The following HDLBP variants were observed in gnomAD, a reference collection of about 807,000 sequenced individuals.
HDLBP encodes vigilin.
A neutral mutation model predicts 137.3 loss-of-function variants in HDLBP; 30 were observed. The observed-to-expected ratio is 0.22, with a 90% CI of 0.16 to 0.30. The LOEUF is 0.30. HDLBP is among the 10% of genes least tolerant of loss of function. The probability of loss-of-function intolerance (pLI) is 1.00; values close to 1 mark genes in which losing one functional copy is unlikely to be tolerated. For missense variants in HDLBP, 1,119 were observed against 1,667.3 expected (o/e 0.67, Z 5.73); for synonymous variants, 606 against 596.0 (o/e 1.02, Z -0.24).
intron 5 of HDLBP, among the ~76,000 whole-genome samples, chr2:241,257,313 A>AC (rs1170639950): frequency 1.3e-5 from 2 of 152,166 alleles, no homozygotes; most frequent in African/African-American, 2.4e-5. Flanking sequence ...GCTCACTGTA[A>AC]CCTCTGCCTC....
chr2:241,246,999 T>C, intron 15 of HDLBP, 57 bp downstream of exon 15: 1 of 1,563,718 alleles, frequency 6.4e-7, no homozygotes, highest in Non-Finnish European at 8.8e-7. Flanking sequence ...ACCAAAATGG[T>C]GCAGGGCTAC....
chr2:241,273,184 G>A (rs1181972621), intron 1 of HDLBP: 2 of 985,360 alleles, frequency 2.0e-6, no homozygotes, highest in East Asian at 1.1e-4. Flanking sequence ...CTCAAAGGAT[G>A]CCCACCACAT....
At chr2:241,303,050 A>C (rs147705572) in intron 1 of HDLBP, among the ~76,000 whole-genome samples, 48 of 152,324 alleles carry the variant, frequency 3.2e-4, no homozygotes, top group African/African-American at 1.1e-3. Flanking sequence ...TTCACACCGC[A>C]AAAGTTCCCT....
chr2:241,272,183 CG>C lies in HDLBP; in HGVS notation c.-102-3643del, dbSNP rs2074104194. The C allele has an allele frequency of 1.1e-5, 11 of 985,154 alleles. No homozygotes were observed. Among genetic ancestry groups the C allele is most frequent in the Non-Finnish European group, 1.2e-5 (10 of 829,792 alleles). The allele number at this position is 985,154 out of a possible 1,614,324, so 61.0% of individuals were successfully genotyped here. On this transcript the variant is annotated intron_variant, in intron 1 of 27. Transcript: ENST00000310931. This position sits in a 1 kb window ranked among gnomAD's most constrained non-coding sequence, Gnocchi z 5.6. ...CGAACACGTAGACTGACGCGGGCCCCGCGCGGCAGGTGGAGGTGCTGCGGGG... is the reference window on the plus strand; with the variant it reads ...CGAACACGTAGACTGACGCGGGCCCCCGCGGCAGGTGGAGGTGCTGCGGGG...
At chr2:241,308,075 ACCTGT>A (rs1248954510) in intron 1 of HDLBP, among the ~76,000 whole-genome samples, 3 of 152,198 alleles carry the variant, frequency 2.0e-5, no homozygotes, top group Non-Finnish European at 4.4e-5. Flanking sequence ...ATTACAGAAT[ACCTGT>A]CCTCTTCTCC....
chr2:241,310,779 A>C (rs1177553989), intron 1 of HDLBP, among the ~76,000 whole-genome samples: 1 of 152,228 alleles, frequency 6.6e-6, no homozygotes, highest in Non-Finnish European at 1.5e-5. Context: ...GGATGAAAAC[A>C]GTCTCCAAGG....
At chr2:241,235,689 A>C (rs2070320460) in intron 21 of HDLBP, 95 bp from the exon 22 acceptor site, 1 of 809,418 alleles carries the variant, frequency 1.2e-6, no homozygotes, top group Non-Finnish European at 2.1e-6. Context: ...CAAGGCAAAC[A>C]GCCCTATGAC....
At chr2:241,307,579 C>T (rs975085295) in intron 1 of HDLBP, among the ~76,000 whole-genome samples, 3 of 152,112 alleles carry the variant, frequency 2.0e-5, no homozygotes, top group Admixed American at 2.0e-4. Flanking sequence ...CTCAACAAAA[C>T]AATGTAAAAA....
intron 1 of HDLBP, among the ~76,000 whole-genome samples, chr2:241,312,957 T>C (rs2075797228): frequency 1.3e-5 from 2 of 152,196 alleles, no homozygotes; most frequent in African/African-American, 4.8e-5. Flanking sequence ...CCCTCTACCA[T>C]TTGCCATGGC....
At chr2:241,285,361 T>G (rs988677492) in intron 1 of HDLBP, among the ~76,000 whole-genome samples, 1 of 152,246 alleles carries the variant, frequency 6.6e-6, no homozygotes, top group Non-Finnish European at 1.5e-5. Context: ...GTAGCATTTT[T>G]GTAGAGTCAG....
In HDLBP at chr2:241,256,690, T is replaced by C. The variant is rs1342401442; in HGVS notation, c.567A>G (p.Pro189=). ...KTATKIQIPR[P]DDPSNQIKIT... ...TCTTGATCTGATTGCTGGGGTCATC[T>C]GGGCGTGGGATCTGGATTTTGGTTG... is the stretch of plus-strand genomic sequence containing the variant. Residue 189 remains proline (P), a synonymous_variant, in exon 6 of 28, where the codon CCA becomes CCG. Coordinates refer to ENST00000310931, the MANE Select transcript of HDLBP (RefSeq NM_005336.6). The C allele has an allele frequency of 2.0e-5, 33 of 1,614,244 alleles. No individual in the cohort carries two copies. Among genetic ancestry groups the C allele is most frequent in the Non-Finnish European group, 2.8e-5 (33 of 1,180,048 alleles).
At chr2:241,297,312 T>A (rs1351851384) in intron 1 of HDLBP, among the ~76,000 whole-genome samples, 1 of 152,050 alleles carries the variant, frequency 6.6e-6, no homozygotes, top group Admixed American at 6.6e-5. Context: ...ACAGGGTGAA[T>A]AATCAAGGAA....
chr2:241,301,766 G>A (rs1181722947), intron 1 of HDLBP, among the ~76,000 whole-genome samples: 3 of 150,934 alleles, frequency 2.0e-5, no homozygotes, highest in Admixed American at 6.6e-5. Flanking sequence ...CTTTCCTTTC[G>A]TTTTGTTTTT....
rs1342062168 is a variant in HDLBP, at chr2:241,273,218, A to C, written c.-102-4677T>G. The C allele has an allele frequency of 4.1e-6, 4 of 985,520 alleles. No individual in the cohort carries two copies. In the African/African-American group the frequency reaches 7.0e-5, roughly 17 times the overall value. The allele number at this position is 985,520 out of a possible 1,614,324, so 61.0% of individuals were successfully genotyped here. On this transcript the variant is annotated intron_variant, in intron 1 of 27. Coordinates refer to ENST00000310931, the MANE Select transcript of HDLBP (RefSeq NM_005336.6). Reference sequence around the variant, plus strand: ...ATCGTAAACGGATGGCCACACTGGCACGAGGTCCTACAGCGCAGTGAGGCT... The same window carrying C: ...ATCGTAAACGGATGGCCACACTGGCCCGAGGTCCTACAGCGCAGTGAGGCT...
At chr2:241,259,909 T>C (rs1268088607) in intron 5 of HDLBP, among the ~76,000 whole-genome samples, 2 of 152,194 alleles carry the variant, frequency 1.3e-5, no homozygotes, top group Admixed American at 6.5e-5. Flanking sequence ...GGTTCAGAGT[T>C]CAGAGAGAAA....
At position 241,235,567 on chromosome 2, in the gene HDLBP, C is replaced by T. The variant is rs755527074; in HGVS notation, c.2932G>A (p.Glu978Lys). Reference protein sequence around the residue: ...EALVPVTIEVEVPFDLHRYVI... With the variant: ...EALVPVTIEVKVPFDLHRYVI... ...TAACGGTGAAGGTCAAAGGGCACCTCTACTTCAATGGTGACAGGAACCAAT... is the reference window on the plus strand; with the variant it reads ...TAACGGTGAAGGTCAAAGGGCACCTTTACTTCAATGGTGACAGGAACCAAT... Residue 978 changes from glutamate (E) to lysine (K), a missense_variant, in exon 22 of 28, where the codon GAG (glutamate) becomes AAG (lysine). Physicochemically the swap from Glu to Lys is moderately conservative, Grantham distance 56. This residue lies in a region of HDLBP where 618 missense variants were observed against 816.7 expected (regional missense o/e 0.76). Coordinates refer to ENST00000310931, the MANE Select transcript of HDLBP (RefSeq NM_005336.6). 2 of 1,613,916 alleles carry T rather than the reference C, an allele frequency of 1.2e-6. No individual in the cohort carries two copies. Among genetic ancestry groups the T allele is most frequent in the East Asian group, 4.5e-5 (2 of 44,894 alleles).
rs1278517668 is a variant in HDLBP, at chr2:241,267,527, C to T, written c.-37-621G>A. 2.8e-5 allele frequency: 42 copies of T among 1,498,760 alleles called. 1 individual carries two copies. The South Asian group carries it at 2.9e-4, about 10-fold the overall frequency. 92.8% of individuals were successfully genotyped at this position (1,498,760 alleles called of 1,614,324 possible). ...TCCAGGCATAGATCAACACCAGGAT[C>T]GTTCTCCTAACAGCGACCTTGGTTA... On this transcript the variant is annotated intron_variant, in intron 2 of 27. Transcript: ENST00000310931.
intron 1 of HDLBP, among the ~76,000 whole-genome samples, chr2:241,308,445 A>G (rs1443978058): frequency 6.6e-6 from 1 of 152,242 alleles, no homozygotes; most frequent in African/African-American, 2.4e-5. Flanking sequence ...TAAAAAGGAC[A>G]TCTTTTGCCT....
In HDLBP at chr2:241,236,016, CAAGGG is replaced by C. The variant is rs547489325; in HGVS notation, c.2905-427_2905-423del. On this transcript the variant is annotated intron_variant, in intron 21 of 27. Coordinates refer to ENST00000310931, the MANE Select transcript of HDLBP (RefSeq NM_005336.6). ...TTTGGCTAATGCCCACGAGGTGCCA[CAAGGG>C]ACTCTCAGACCGCTGCTCACCTTCC... is the stretch of plus-strand genomic sequence containing the variant. The C allele has an allele frequency of 1.1e-4, 21 of 196,910 alleles. No homozygotes were observed. In the South Asian group the frequency reaches 2.1e-3, roughly 20 times the overall value. 12.2% of individuals were successfully genotyped at this position (196,910 alleles called of 1,614,324 possible). A position where few individuals can be genotyped will look rare whatever the true frequency, so the allele number is the denominator to read the frequency against.
Sources: allele counts gnomAD v4.1 joint callset (sites outside exome capture counted in the v4.1 genomes callset), GRCh38; gene constraint gnomAD v4.1.1; regional missense constraint gnomAD v4.1.1; non-coding constraint Gnocchi (gnomAD v3.1); transcripts MANE v1.5; gene names NCBI Gene and HGNC (gene_info 2026-07-23, HGNC 2026-07-21).